Variants in LRRTM4 observed in about 807,000 individuals in gnomAD.
LRRTM4 encodes the protein leucine rich repeat transmembrane neuronal 4.
Under a neutral mutation model 47.6 loss-of-function variants are expected in LRRTM4, and 25 were observed. That is an observed-to-expected ratio of 0.53 (90% CI 0.38 to 0.73). LRRTM4 has a LOEUF of 0.73. LRRTM4 is among the 30% of genes least tolerant of loss of function. The pLI, the probability that LRRTM4 is intolerant of heterozygous loss-of-function variation, is 0.00. For synonymous variants in LRRTM4, 311 were observed against 269.5 expected (o/e 1.15, Z -1.51); for missense variants, 638 against 713.4 (o/e 0.89, Z 1.20).
At chr2:77,335,298 C>A (rs1318100587) in intron 3 of LRRTM4, among the ~76,000 whole-genome samples, 1 of 152,138 alleles carries the variant, frequency 6.6e-6, no homozygotes, top group East Asian at 1.9e-4. Flanking sequence ...CAATCTGGTT[C>A]CTGTAATGAT....
chr2:76,970,050 CCA>C (rs1173826971), intron 3 of LRRTM4, among the ~76,000 whole-genome samples: 1 of 151,860 alleles, frequency 6.6e-6, no homozygotes, highest in Non-Finnish European at 1.5e-5. Flanking sequence ...AAATTGAAAC[CCA>C]CAGAGTTAAG....
At chr2:76,885,745 G>C (rs1573256646) in intron 3 of LRRTM4, among the ~76,000 whole-genome samples, 1 of 152,194 alleles carries the variant, frequency 6.6e-6, no homozygotes, top group Non-Finnish European at 1.5e-5. Flanking sequence ...GATTACAGGC[G>C]TGAGTCACCG....
chr2:77,121,076 G>T (rs2103955299), intron 3 of LRRTM4, among the ~76,000 whole-genome samples: 1 of 151,856 alleles, frequency 6.6e-6, no homozygotes, highest in East Asian at 1.9e-4. Flanking sequence ...ACAAGAAATG[G>T]AGTTTTAACA....
chr2:77,106,251 A>T (rs570677741), intron 3 of LRRTM4, among the ~76,000 whole-genome samples: 1 of 152,332 alleles, frequency 6.6e-6, no homozygotes, highest in East Asian at 1.9e-4. Flanking sequence ...TTTAAAATGT[A>T]GGTATTGGTT....
At chr2:77,352,322 T>C (rs111375136) in intron 3 of LRRTM4, among the ~76,000 whole-genome samples, 26 of 152,280 alleles carry the variant, frequency 1.7e-4, no homozygotes, top group African/African-American at 4.3e-4. Flanking sequence ...AGAGGAAAAT[T>C]TGTTAGTTTC....
intron 3 of LRRTM4, among the ~76,000 whole-genome samples, chr2:77,100,423 T>C (rs955453915): frequency 1.3e-5 from 2 of 152,110 alleles, no homozygotes; most frequent in Non-Finnish European, 2.9e-5. Context: ...TGCCTCCGAG[T>C]TGAATCATAC....
chr2:76,754,323 G>GT (rs1672952616), intron 3 of LRRTM4, among the ~76,000 whole-genome samples: 2 of 151,874 alleles, frequency 1.3e-5, no homozygotes, highest in Non-Finnish European at 1.5e-5. Flanking sequence ...TTGGGTACTG[G>GT]TTTTTTTCAA....
chr2:77,503,188 C>A (rs1478092672), intron 3 of LRRTM4, among the ~76,000 whole-genome samples: 1 of 151,260 alleles, frequency 6.6e-6, no homozygotes, highest in African/African-American at 2.4e-5. Flanking sequence ...GAAACAAATT[C>A]AATGGAACAA....
intron 3 of LRRTM4, among the ~76,000 whole-genome samples, chr2:76,998,930 T>C (rs1281888986): frequency 1.3e-5 from 2 of 152,030 alleles, no homozygotes; most frequent in African/African-American, 2.4e-5. Context: ...ATAAAGAATA[T>C]TACTCAACAG....
At chr2:77,093,261 GTAAA>G (rs1180621837) in intron 3 of LRRTM4, among the ~76,000 whole-genome samples, 2 of 148,870 alleles carry the variant, frequency 1.3e-5, no homozygotes, top group Admixed American at 6.7e-5. Flanking sequence ...AACTCTTGAA[GTAAA>G]TAAATAATCT....
chr2:77,234,013 T>G (rs1464308197), intron 3 of LRRTM4, among the ~76,000 whole-genome samples: 1 of 152,070 alleles, frequency 6.6e-6, no homozygotes, highest in Non-Finnish European at 1.5e-5. Context: ...GCCAGGCTGA[T>G]CTCAGGTGAT....
chr2:76,893,875 T>G (rs1673328371), intron 3 of LRRTM4, among the ~76,000 whole-genome samples: 1 of 151,878 alleles, frequency 6.6e-6, no homozygotes, highest in Non-Finnish European at 1.5e-5. Flanking sequence ...TGCATTTTAT[T>G]TGTACATGTC....
At chr2:77,081,400 C>G (rs1283042980) in intron 3 of LRRTM4, among the ~76,000 whole-genome samples, 1 of 151,604 alleles carries the variant, frequency 6.6e-6, no homozygotes, top group Non-Finnish European at 1.5e-5. Flanking sequence ...AAAAGGTGTT[C>G]ACATTATACA....
chr2:76,922,908 G>A (rs574171651), intron 3 of LRRTM4, among the ~76,000 whole-genome samples: 3 of 151,916 alleles, frequency 2.0e-5, no homozygotes, highest in African/African-American at 7.3e-5. Flanking sequence ...TAAACAAAAT[G>A]GAAGTGTCAT....
chr2:77,212,487 A>C (rs899803143), intron 3 of LRRTM4, among the ~76,000 whole-genome samples: 4 of 149,608 alleles, frequency 2.7e-5, no homozygotes, highest in African/African-American at 4.9e-5. Flanking sequence ...AGAGAGAGAG[A>C]GAGAGAGCGA....
At position 76,796,182 on chromosome 2, in the gene LRRTM4, G is replaced by A. The variant is rs557635509; in HGVS notation, c.1552-47266C>T. 1.8e-4 allele frequency among the ~76,000 whole-genome samples: 26 copies of A among 143,562 alleles called. 3 individuals carry two copies. The highest frequency in any genetic ancestry group is 4.0e-4 in the East Asian group (2 of 4,970). 94.2% of individuals were successfully genotyped at this position (143,562 alleles called of 152,430 possible). A position where few individuals can be genotyped will look rare whatever the true frequency, so the allele number is the denominator to read the frequency against. ...CAGGGTCCTACGCCCACAGAGCCTC[G>A]CTGATTGCTAGCACAGCAGTCTGAG... On this transcript the variant is annotated intron_variant, in intron 3 of 3. Coordinates refer to ENST00000409884, the MANE Select transcript of LRRTM4 (RefSeq NM_001134745.3).
chr2:76,824,436 T>C (rs1485835601), intron 3 of LRRTM4, among the ~76,000 whole-genome samples: 1 of 151,614 alleles, frequency 6.6e-6, no homozygotes, highest in Non-Finnish European at 1.5e-5. Context: ...CAATGAATTA[T>C]AGCCATTTAA....
Position 77,272,085 on chromosome 2 carries a change from T to C in LRRTM4, c.1551+246233A>G, listed in dbSNP as rs114240085. On this transcript the variant is annotated intron_variant, in intron 3 of 3. Transcript: ENST00000409884. ...CATATTCCAACTTCTTTTTGAAACC[T>C]TACCCATCCATCTCTCCTTTCTTCT... 3.3e-3 allele frequency among the ~76,000 whole-genome samples: 504 copies of C among 152,298 alleles called. 1 individual carries two copies. Among genetic ancestry groups the C allele is most frequent in the African/African-American group, 0.011 (454 of 41,566 alleles).
At chr2:77,187,252 T>G (rs1441976311) in intron 3 of LRRTM4, among the ~76,000 whole-genome samples, 1 of 152,176 alleles carries the variant, frequency 6.6e-6, no homozygotes, top group African/African-American at 2.4e-5. Flanking sequence ...TGTGAGCATG[T>G]GTTGAACCTC....
Sources: allele counts gnomAD v4.1 joint callset (sites outside exome capture counted in the v4.1 genomes callset), GRCh38; gene constraint gnomAD v4.1.1; transcripts MANE v1.5; gene names NCBI Gene and HGNC (gene_info 2026-07-23, HGNC 2026-07-21).